The following RAB27A variants were observed in gnomAD, a reference collection of about 807,000 sequenced individuals.
RAB27A encodes RAB27A, member RAS oncogene family, also known as ras-related protein Rab-27A.
In RAB27A, 17 loss-of-function variants were observed where a neutral mutation model predicts 20.8. That is an observed-to-expected ratio of 0.82 (90% CI 0.56 to 1.23). The LOEUF is 1.23. Ranked by LOEUF, RAB27A falls within the 50% of genes most tolerant of loss-of-function variation. RAB27A has a pLI of 0.00. For missense variants in RAB27A, 277 were observed against 266.7 expected, an observed-to-expected ratio of 1.04 and a Z score of -0.27; for synonymous variants, 85 against 92.8, an observed-to-expected ratio of 0.92 and a Z score of 0.48.
At chr15:55,269,616 G>T (rs116931697) in intron 2 of RAB27A, among the ~76,000 whole-genome samples, 1 of 151,892 alleles carries the variant, frequency 6.6e-6, no homozygotes, top group Admixed American at 6.6e-5. Context: ...GCATGGTAGC[G>T]TGGGGTCCCA....
intron 4 of RAB27A, among the ~76,000 whole-genome samples, chr15:55,230,140 G>C (rs1015823906): frequency 6.6e-6 from 1 of 152,010 alleles, no homozygotes; most frequent in African/African-American, 2.4e-5. Context: ...AAAGGAAATG[G>C]AGCAAAGTAT....
At chr15:55,210,056 A>G (rs62639732) in intron 6 of RAB27A, among the ~76,000 whole-genome samples, 42,742 of 142,710 alleles carry the variant, frequency 0.3, 9,545 homozygotes, top group African/African-American at 0.63. Context: ...ACATATATAC[A>G]CATATGTGTG....
intron 5 of RAB27A, among the ~76,000 whole-genome samples, chr15:55,226,518 T>TGA (rs1895802780): frequency 6.6e-6 from 1 of 151,850 alleles, no homozygotes. Flanking sequence ...TTTGTGTGTG[T>TGA]GTGTGTGTGT....
intron 6 of RAB27A, among the ~76,000 whole-genome samples, chr15:55,206,679 A>G (rs1025832578): frequency 1.3e-5 from 2 of 152,204 alleles, no homozygotes; most frequent in Non-Finnish European, 2.9e-5. Context: ...TTGGTATGAA[A>G]GCCGTTTAAA....
intron 2 of RAB27A, chr15:55,248,916 T>C (rs1370953082): frequency 6.6e-6 from 1 of 152,204 alleles, no homozygotes; most frequent in Non-Finnish European, 1.5e-5. Context: ...CTAAATATCA[T>C]ATTCTTTAAC....
intron 2 of RAB27A, among the ~76,000 whole-genome samples, chr15:55,240,319 G>C (rs1313123003): frequency 6.6e-6 from 1 of 152,100 alleles, no homozygotes; most frequent in African/African-American, 2.4e-5. Context: ...TTTCCTGCTT[G>C]TACTCCAGCC....
intron 2 of RAB27A, among the ~76,000 whole-genome samples, chr15:55,248,092 C>T (rs1896758142): frequency 6.6e-6 from 1 of 152,094 alleles, no homozygotes; most frequent in East Asian, 1.9e-4. Flanking sequence ...CATCACCTCA[C>T]CCAGACTACA....
intron 6 of RAB27A, 78 bp downstream of exon 6, chr15:55,223,811 T>C: frequency 6.4e-7 from 1 of 1,562,546 alleles, no homozygotes; most frequent in Non-Finnish European, 8.7e-7. Flanking sequence ...TGTCCACTTT[T>C]ATCTTTTTCA....
chr15:55,267,534 A>C (rs9972478), intron 2 of RAB27A, among the ~76,000 whole-genome samples: 85,384 of 152,046 alleles, frequency 0.56, 25,271 homozygotes, highest in East Asian at 0.75. Context: ...CAGAAGCGCA[A>C]AAGAAAATGT....
In RAB27A at chr15:55,312,076, G is replaced by T. The variant is rs1245079267; in HGVS notation, c.-112+1963C>A. Among the ~76,000 whole-genome samples, 3 of 152,210 alleles carry T rather than the reference G, an allele frequency of 2.0e-5. No homozygotes were observed. The East Asian group carries it at 5.8e-4, about 29-fold the overall frequency. On this transcript the variant is annotated intron_variant, in intron 2 of 5. Transcript: ENST00000563262. Reference sequence around the variant, plus strand: ...AGAACCGTGGAACCCAGTGACTAGTGTTCAGCTCGATTAGGACGAACCCAG... The same window carrying T: ...AGAACCGTGGAACCCAGTGACTAGTTTTCAGCTCGATTAGGACGAACCCAG...
intron 5 of RAB27A, among the ~76,000 whole-genome samples, chr15:55,228,379 G>C (rs1895892093): frequency 1.3e-5 from 2 of 152,166 alleles, no homozygotes; most frequent in Non-Finnish European, 2.9e-5. Context: ...ATAAAGTGCT[G>C]CCTTGCACCT....
intron 2 of RAB27A, among the ~76,000 whole-genome samples, chr15:55,302,885 C>A (rs1466556450): frequency 7.1e-6 from 1 of 141,480 alleles, no homozygotes; most frequent in Non-Finnish European, 1.5e-5. Context: ...CGGCAGCTGC[C>A]CCGTCTGAGA....
intron 2 of RAB27A, among the ~76,000 whole-genome samples, chr15:55,248,246 C>T (rs1159426084): frequency 6.6e-6 from 1 of 152,162 alleles, no homozygotes; most frequent in Non-Finnish European, 1.5e-5. Flanking sequence ...CCCTACCACA[C>T]CCCATGCTGT....
At chr15:55,281,980 G>C (rs968165083) in intron 1 of RAB27A, among the ~76,000 whole-genome samples, 19 of 152,182 alleles carry the variant, frequency 1.2e-4, no homozygotes, top group African/African-American at 4.3e-4. Context: ...AATGGGCTAT[G>C]GCAGGGAGGG....
intron 2 of RAB27A, chr15:55,238,059 TAAC>T (rs952872741): frequency 6.6e-6 from 1 of 152,192 alleles, no homozygotes; most frequent in Non-Finnish European, 1.5e-5. Flanking sequence ...AAGGGACTGT[TAAC>T]AAACCAAATA....
intron 6 of RAB27A, among the ~76,000 whole-genome samples, chr15:55,210,059 TATGTGTGTGTACATATACATATATACAC>T (rs1254310121): frequency 9.4e-5 from 13 of 137,844 alleles, no homozygotes; most frequent in East Asian, 2.1e-4. Flanking sequence ...TATATACACA[TATGTGTGTGTACATATACATATATACAC>T]ATATATGTGT....
intron 3 of RAB27A, among the ~76,000 whole-genome samples, chr15:55,231,475 T>C (rs1384745402): frequency 6.6e-6 from 1 of 152,186 alleles, no homozygotes; most frequent in East Asian, 1.9e-4. Context: ...CTCTAGGAAT[T>C]AACAAAGACT....
chr15:55,240,980 T>C (rs888488880), intron 2 of RAB27A, among the ~76,000 whole-genome samples: 2 of 152,280 alleles, frequency 1.3e-5, no homozygotes, highest in African/African-American at 4.8e-5. Flanking sequence ...AGGGCTGTTG[T>C]GAGGACTGAG....
chr15:55,205,361 C>T lies in RAB27A; in HGVS notation c.*146G>A. 1 of 792,266 alleles carries T rather than the reference C, an allele frequency of 1.3e-6. No individual in the cohort carries two copies. 49.1% of individuals were successfully genotyped at this position (792,266 alleles called of 1,614,324 possible). A position where few individuals can be genotyped will look rare whatever the true frequency, so the allele number is the denominator to read the frequency against. ...AAGCTGCAACAAATTAATTTTAGAA[C>T]CGGATGCTTTATTCGTAGGTCTAAT... is the stretch of plus-strand genomic sequence containing the variant. On this transcript the variant is annotated 3_prime_UTR_variant, in exon 7 of 7. Transcript: ENST00000336787.
Sources: allele counts gnomAD v4.1 joint callset (sites outside exome capture counted in the v4.1 genomes callset), GRCh38; gene constraint gnomAD v4.1.1; transcripts MANE v1.5; gene names NCBI Gene and HGNC (gene_info 2026-07-23, HGNC 2026-07-21).